Variants in RYK observed in about 807,000 individuals in gnomAD.
RYK encodes the protein receptor like tyrosine kinase.
In RYK, 21 loss-of-function variants were observed where a neutral mutation model predicts 70.2. That is an observed-to-expected ratio of 0.30 (90% confidence interval 0.21 to 0.43). The LOEUF (loss-of-function observed/expected upper bound fraction) is 0.43. Ranked by LOEUF, RYK falls within the 20% of genes least tolerant of loss-of-function variation. RYK has a pLI of 1.00. For synonymous variants in RYK, 267 were observed against 278.0 expected, an observed-to-expected ratio of 0.96 and a Z score of 0.39; for missense variants, 604 against 753.3, an observed-to-expected ratio of 0.80 and a Z score of 2.32.
At chr3:134,227,625 T>C (rs2014947774) in intron 1 of RYK, among the ~76,000 whole-genome samples, 1 of 152,044 alleles carries the variant, frequency 6.6e-6, no homozygotes, top group Admixed American at 6.6e-5. Flanking sequence ...ATACTGCTGG[T>C]AGGATTATAA....
intron 14 of RYK, 84 bp from the exon 15 acceptor site, chr3:134,158,348 C>A: frequency 1.4e-6 from 1 of 696,628 alleles, no homozygotes; most frequent in African/African-American, 1.8e-5. Context: ...AGTTATGTTG[C>A]CTGTCTAAAG....
chr3:134,183,574 A>C (rs1306760413), intron 9 of RYK, among the ~76,000 whole-genome samples: 1 of 152,214 alleles, frequency 6.6e-6, no homozygotes, highest in African/African-American at 2.4e-5. Flanking sequence ...ACCTACTATT[A>C]AGAATTTGGG....
intron 7 of RYK, among the ~76,000 whole-genome samples, chr3:134,193,854 G>A (rs1189249965): frequency 6.6e-6 from 1 of 152,178 alleles, no homozygotes; most frequent in East Asian, 1.9e-4. Context: ...TAAACTGTAA[G>A]TCAGGTCTAT....
Position 134,215,045 on chromosome 3 carries a change from A to C in RYK, c.355-3438T>G, listed in dbSNP as rs542643949. ...AATTACCTACTAGGCAATTCTATCT[A>C]ATTATCCTACAGCCTTCCAACTTAA... is the stretch of plus-strand genomic sequence containing the variant. On this transcript the variant is annotated intron_variant, in intron 2 of 14. Coordinates refer to ENST00000623711, the MANE Select transcript of RYK (RefSeq NM_002958.4). Among the ~76,000 whole-genome samples, 7 of 152,280 alleles carry C rather than the reference A, an allele frequency of 4.6e-5. No homozygotes were observed. The South Asian group carries it at 1.0e-3, about 23-fold the overall frequency.
intron 1 of RYK, among the ~76,000 whole-genome samples, chr3:134,229,340 T>C (rs934991826): frequency 5.5e-5 from 8 of 145,422 alleles, no homozygotes; most frequent in African/African-American, 1.8e-4. Flanking sequence ...CAACCCCTTC[T>C]GTCTCTCCTT....
intron 13 of RYK, among the ~76,000 whole-genome samples, chr3:134,169,410 TA>T (rs1187853843): frequency 6.6e-6 from 1 of 152,106 alleles, no homozygotes; most frequent in East Asian, 1.9e-4. Context: ...GAAAGTCACA[TA>T]AAAAAATTTA....
intron 13 of RYK, among the ~76,000 whole-genome samples, chr3:134,161,896 G>T (rs961922173): frequency 2.1e-4 from 31 of 151,140 alleles, no homozygotes; most frequent in African/African-American, 7.6e-4. Flanking sequence ...TTAAACAACA[G>T]AAATTTATTG....
rs564736531 is a variant in RYK, at chr3:134,175,620, C to T, written c.1564G>A (p.Ala522Thr). The T allele has an allele frequency of 5.6e-6, 9 of 1,613,624 alleles. No homozygotes were observed. Among genetic ancestry groups the T allele is most frequent in the African/African-American group, 1.3e-5 (1 of 75,006 alleles). The change falls in exon 13 of 15, where the codon GCT becomes ACT. Residue 522 changes from alanine to threonine, a missense_variant. Ala to Thr is a moderately conservative substitution (Grantham distance 58, BLOSUM62 0). Coordinates refer to ENST00000623711, the MANE Select transcript of RYK (RefSeq NM_002958.4). ...ESLVNNEFSS[A>T]SDVWAFGVTL... ...GTCCCGGCACTTACCACATCACTAG[C>T]GCTAGAGAACTCGTTATTAACCAGA...
chr3:134,231,329 C>A (rs2015054157), intron 1 of RYK, among the ~76,000 whole-genome samples: 1 of 152,122 alleles, frequency 6.6e-6, no homozygotes, highest in South Asian at 2.1e-4. Flanking sequence ...CCAATTCCTT[C>A]CCAGCCTCCT....
chr3:134,229,224 C>CTCTG (rs1431877170), intron 1 of RYK, among the ~76,000 whole-genome samples: 1 of 152,028 alleles, frequency 6.6e-6, no homozygotes, highest in Non-Finnish European at 1.5e-5. Flanking sequence ...CTCTGTCGCT[C>CTCTG]TTGCTCTCTG....
At chr3:134,239,829 G>C (rs181605756) in intron 1 of RYK, among the ~76,000 whole-genome samples, 14 of 152,378 alleles carry the variant, frequency 9.2e-5, no homozygotes, top group African/African-American at 3.1e-4. Flanking sequence ...ATAGCACAGA[G>C]AGGCACTGGG....
intron 9 of RYK, among the ~76,000 whole-genome samples, chr3:134,183,678 T>A (rs955614106): frequency 1.3e-5 from 2 of 152,166 alleles, no homozygotes; most frequent in Admixed American, 1.3e-4. Context: ...ATACCTTCCA[T>A]CATCAATCCC....
At chr3:134,225,729 C>T (rs1331842269) in intron 1 of RYK, among the ~76,000 whole-genome samples, 3 of 152,094 alleles carry the variant, frequency 2.0e-5, no homozygotes, top group Non-Finnish European at 4.4e-5. Flanking sequence ...TGGTGGTACA[C>T]ACCTGTAGTA....
chr3:134,160,295 T>G (rs982618988), intron 13 of RYK, among the ~76,000 whole-genome samples: 1 of 151,688 alleles, frequency 6.6e-6, no homozygotes, highest in Non-Finnish European at 1.5e-5. Context: ...CTCAGAGAAA[T>G]AGCTTGCCCC....
In RYK at chr3:134,250,457, G is replaced by T; in HGVS notation, c.198C>A (p.Leu66=). The change falls in exon 1 of 15, where the codon CTC becomes CTA. Residue 66 remains leucine, a synonymous_variant. Transcript: ENST00000623711. The part of the protein sequence containing the change: ...QSASAGPSVS[L]YLSEDEVRRL... The stretch of plus-strand genomic sequence containing the variant: ...GGCGCACCTCGTCCTCGCTCAGGTA[G>T]AGACTCACGCTGGGCCCCGCGGAAG... 7.1e-7 allele frequency: 1 copy of T among 1,403,110 alleles called. No individual in the cohort carries two copies. Among genetic ancestry groups the T allele is most frequent in the East Asian group, 3.1e-5 (1 of 32,144 alleles). 86.9% of individuals were successfully genotyped at this position (1,403,110 alleles called of 1,614,324 possible). A position where few individuals can be genotyped will look rare whatever the true frequency, so the allele number is the denominator to read the frequency against.
At chr3:134,191,068 A>T (rs1299327499) in intron 8 of RYK, among the ~76,000 whole-genome samples, 1 of 152,246 alleles carries the variant, frequency 6.6e-6, no homozygotes, top group Non-Finnish European at 1.5e-5. Context: ...GCAAAGGAAT[A>T]CATAAGGAGG....
intron 2 of RYK, among the ~76,000 whole-genome samples, chr3:134,220,012 C>T (rs1009964113): frequency 4.6e-5 from 7 of 152,158 alleles, no homozygotes; most frequent in African/African-American, 1.4e-4. Context: ...CAAGAGTGTT[C>T]GGAGTTACCA....
In RYK at chr3:134,202,768, C is replaced by T. The variant is rs1267068034; in HGVS notation, c.750G>A (p.Leu250=). The T allele has an allele frequency of 6.2e-7, 1 of 1,613,050 alleles. No homozygotes were observed. Among genetic ancestry groups the T allele is most frequent in the Non-Finnish European group, 8.5e-7 (1 of 1,179,638 alleles). Reference sequence around the variant, plus strand: ...CAATCCTTTTCATACTATGAAGGTGCAAAACAGCTAATATTATTGCTACGA... The same window carrying T: ...CAATCCTTTTCATACTATGAAGGTGTAAAACAGCTAATATTATTGCTACGA... The part of the protein sequence containing the change: ...IFLVAIILAV[L]HLHSMKRIEL... The change falls in exon 6 of 15, where the codon TTG becomes TTA. Residue 250 remains leucine, a synonymous_variant. Transcript: ENST00000623711.
chr3:134,201,340 C>T (rs550685840), intron 6 of RYK, among the ~76,000 whole-genome samples: 10 of 152,328 alleles, frequency 6.6e-5, no homozygotes, highest in African/African-American at 2.4e-4. Flanking sequence ...ATCCAACCAG[C>T]TCCCTTCCCC....
Sources: allele counts gnomAD v4.1 joint callset (sites outside exome capture counted in the v4.1 genomes callset), GRCh38; gene constraint gnomAD v4.1.1; transcripts MANE v1.5; gene names NCBI Gene and HGNC (gene_info 2026-07-23, HGNC 2026-07-21).